Variants in LARP4 observed in about 807,000 individuals in gnomAD.
LARP4 encodes the protein la-related protein 4.
In LARP4, 29 loss-of-function variants were observed where a neutral mutation model predicts 92.9. That is an observed-to-expected ratio of 0.31 (90% confidence interval 0.23 to 0.43). The LOEUF is 0.43. LARP4 is among the 20% of genes least tolerant of loss of function. The pLI, the probability that LARP4 is intolerant of heterozygous loss-of-function variation, is 1.00. For missense variants in LARP4, 732 were observed against 860.0 expected, an observed-to-expected ratio of 0.85 and a Z score of 1.86; for synonymous variants, 279 against 284.1, an observed-to-expected ratio of 0.98 and a Z score of 0.18.
intron 11 of LARP4, 127 bp downstream of exon 11, chr12:50,461,474 C>G: frequency 1.0e-6 from 1 of 989,340 alleles, no homozygotes; most frequent in South Asian, 1.5e-5. Flanking sequence ...TAAATAAATA[C>G]GTTATTTTCA....
intron 10 of LARP4, among the ~76,000 whole-genome samples, chr12:50,460,585 A>T (rs1380033848): frequency 2.0e-5 from 3 of 151,994 alleles, no homozygotes; most frequent in African/African-American, 7.2e-5. Context: ...CAGCCTCCCA[A>T]AGTGCTGAGA....
chr12:50,466,969 C>G lies in LARP4; in HGVS notation c.1394C>G (p.Pro465Arg), dbSNP rs1174601470. 1 of 1,610,070 alleles carries G rather than the reference C, an allele frequency of 6.2e-7. No homozygotes were observed. The highest frequency in any genetic ancestry group is 8.5e-7 in the Non-Finnish European group (1 of 1,177,426). Residue 465 changes from proline to arginine, a missense_variant, in exon 13 of 16, where the codon CCT becomes CGT. Pro to Arg is a moderately radical substitution (Grantham distance 103). Around this residue, in one of 7 missense-constraint regions of LARP4, gnomAD observed 264 missense variants for 269.5 expected, o/e 0.98. Coordinates refer to ENST00000398473, the MANE Select transcript of LARP4 (RefSeq NM_052879.5). ...REDDRISRPH[P>R]STAESKAPTP... ...ATTTGTTCATTTTAGAGACCTCATC[C>G]TTCAACAGCTGAATCAAAGGCTCCA...
intron 1 of LARP4, among the ~76,000 whole-genome samples, chr12:50,423,196 T>C (rs1336348574): frequency 1.3e-5 from 2 of 152,144 alleles, no homozygotes; most frequent in African/African-American, 4.8e-5. Context: ...ATCCATGCAT[T>C]TTTCCTTTAA....
At chr12:50,473,344 G>A (rs1176538062) in intron 13 of LARP4, 71 bp from the exon 14 acceptor site, 1 of 1,140,090 alleles carries the variant, frequency 8.8e-7, no homozygotes, top group African/African-American at 1.5e-5. Context: ...CTTCTCTTGT[G>A]CTTATTAGAC....
At chr12:50,402,746 G>A in intron 1 of LARP4, 1 of 454,842 alleles carries the variant, frequency 2.2e-6, no homozygotes, top group Non-Finnish European at 4.4e-6. Context: ...CTGGGATTTA[G>A]ATCCAGGTCA....
intron 1 of LARP4, among the ~76,000 whole-genome samples, chr12:50,412,026 A>G (rs573372448): frequency 3.9e-5 from 6 of 152,116 alleles, no homozygotes; most frequent in African/African-American, 9.7e-5. Context: ...ATTAATAGCT[A>G]TGTAACTTTG....
intron 1 of LARP4, among the ~76,000 whole-genome samples, chr12:50,426,541 G>A (rs1415790651): frequency 1.3e-5 from 2 of 151,872 alleles, no homozygotes; most frequent in Non-Finnish European, 2.9e-5. Flanking sequence ...ATGACTGAAA[G>A]GTATACGCTT....
chr12:50,419,413 A>C (rs913733700), intron 1 of LARP4, among the ~76,000 whole-genome samples: 1 of 152,088 alleles, frequency 6.6e-6, no homozygotes, highest in Non-Finnish European at 1.5e-5. Context: ...GCACACTGAC[A>C]GTTTTAGCCT....
At chr12:50,448,121 T>C (rs1952528310) in intron 8 of LARP4, among the ~76,000 whole-genome samples, 1 of 152,186 alleles carries the variant, frequency 6.6e-6, no homozygotes, top group Admixed American at 6.5e-5. Flanking sequence ...CGCCTCGGCC[T>C]TCCAAAGTGC....
chr12:50,445,565 C>A (rs1951882823), intron 8 of LARP4, among the ~76,000 whole-genome samples: 2 of 152,050 alleles, frequency 1.3e-5, no homozygotes, highest in Admixed American at 1.3e-4. Context: ...ACTCCAATTT[C>A]ATATGTTGGA....
chr12:50,414,945 C>T (rs1288584464), intron 1 of LARP4, among the ~76,000 whole-genome samples: 1 of 152,164 alleles, frequency 6.6e-6, no homozygotes, highest in Non-Finnish European at 1.5e-5. Flanking sequence ...TGGCTCACGC[C>T]TGTAATCCCA....
intron 12 of LARP4, among the ~76,000 whole-genome samples, chr12:50,464,376 A>G (rs1324758088): frequency 6.6e-6 from 1 of 152,212 alleles, no homozygotes; most frequent in Non-Finnish European, 1.5e-5. Flanking sequence ...AATATGTTCC[A>G]TTATAACTTA....
intron 9 of LARP4, 142 bp from the exon 10 acceptor site, chr12:50,454,172 T>G: frequency 1.7e-6 from 1 of 594,988 alleles, no homozygotes; most frequent in Non-Finnish European, 2.9e-6. Context: ...GAAGTGAATA[T>G]TGCAGAAATG....
chr12:50,422,662 G>C (rs889606249), intron 1 of LARP4, among the ~76,000 whole-genome samples: 1 of 151,396 alleles, frequency 6.6e-6, no homozygotes, highest in African/African-American at 2.4e-5. Flanking sequence ...GTTTAAACAG[G>C]GTTATTTGCA....
At chr12:50,409,980 C>CG (rs1481685853) in intron 1 of LARP4, among the ~76,000 whole-genome samples, 1 of 150,932 alleles carries the variant, frequency 6.6e-6, no homozygotes, top group African/African-American at 2.4e-5. Flanking sequence ...TTAGTAGAGA[C>CG]GGGGTTTCTC....
intron 4 of LARP4, among the ~76,000 whole-genome samples, chr12:50,433,029 T>G (rs897287116): frequency 6.6e-6 from 1 of 152,030 alleles, no homozygotes; most frequent in Non-Finnish European, 1.5e-5. Flanking sequence ...AAACATCTTA[T>G]GGGGAAAATC....
At chr12:50,421,021 C>T (rs2136768265) in intron 1 of LARP4, 1 of 132,978 alleles carries the variant, frequency 7.5e-6, no homozygotes, top group Middle Eastern at 6.5e-3. Flanking sequence ...GCTATCTCGG[C>T]TCACTGCAAC....
chr12:50,444,461 C>T (rs1951707171), intron 8 of LARP4, among the ~76,000 whole-genome samples: 1 of 152,064 alleles, frequency 6.6e-6, no homozygotes, highest in South Asian at 2.1e-4. Flanking sequence ...ACATAAGTTG[C>T]AAGAAAATTC....
At chr12:50,468,458 T>C (rs1027482257) in intron 13 of LARP4, among the ~76,000 whole-genome samples, 1 of 151,196 alleles carries the variant, frequency 6.6e-6, no homozygotes, top group African/African-American at 2.4e-5. Flanking sequence ...TACGCCCGGC[T>C]AATTTTTTTT....
Sources: allele counts gnomAD v4.1 joint callset (sites outside exome capture counted in the v4.1 genomes callset), GRCh38; gene constraint gnomAD v4.1.1; regional missense constraint gnomAD v4.1.1; transcripts MANE v1.5; gene names NCBI Gene and HGNC (gene_info 2026-07-23, HGNC 2026-07-21).